MAGI2: variants seen among roughly 807,000 people sequenced by gnomAD.
MAGI2 encodes membrane associated guanylate kinase, WW and PDZ domain containing 2.
A neutral mutation model predicts 133.3 loss-of-function variants in MAGI2; 35 were observed. That is an observed-to-expected ratio of 0.26 (90% CI 0.20 to 0.35). The LOEUF (loss-of-function observed/expected upper bound fraction) is 0.35. Among genes scored for constraint, MAGI2 ranks in the 10% least tolerant of loss-of-function variants. The probability of loss-of-function intolerance (pLI) is 1.00; values close to 1 mark genes in which losing one functional copy is unlikely to be tolerated. For synonymous variants in MAGI2, 729 were observed against 710.6 expected, an observed-to-expected ratio of 1.03 and a Z score of -0.41; for missense variants, 1,636 against 1,863.4, an observed-to-expected ratio of 0.88 and a Z score of 2.25.
chr7:78,069,038 G>A (rs1456532217), intron 21 of MAGI2, among the ~76,000 whole-genome samples: 1 of 152,182 alleles, frequency 6.6e-6, no homozygotes, highest in African/African-American at 2.4e-5. Context: ...CAGACTCTCC[G>A]TAATGAGGAG....
At chr7:78,786,922 T>C (rs1826866956) in intron 2 of MAGI2, among the ~76,000 whole-genome samples, 1 of 152,070 alleles carries the variant, frequency 6.6e-6, no homozygotes, top group Non-Finnish European at 1.5e-5. Context: ...CCAATAAGTA[T>C]TGGTTGAAAT....
At chr7:78,154,568 C>A (rs1824199521) in intron 16 of MAGI2, among the ~76,000 whole-genome samples, 1 of 152,194 alleles carries the variant, frequency 6.6e-6, no homozygotes, top group East Asian at 1.9e-4. Flanking sequence ...TGCTTGTTAT[C>A]CTATATCTAA....
intron 3 of MAGI2, among the ~76,000 whole-genome samples, chr7:78,526,956 C>T (rs6971114): frequency 0.041 from 5,280 of 128,970 alleles, 170 homozygotes; most frequent in African/African-American, 0.082. Context: ...TGCGGTCAGC[C>T]GAGATCACGC....
At chr7:79,449,877 C>CATACATATATATATATATATATATAT (rs1554488321) in intron 1 of MAGI2, among the ~76,000 whole-genome samples, 13 of 120,620 alleles carry the variant, frequency 1.1e-4, no homozygotes, top group African/African-American at 3.9e-4. Context: ...GAGATATATA[C>CATACATATATATATATATATATATAT]ATATATATAT....
At chr7:79,072,154 T>C (rs1416231419) in intron 1 of MAGI2, among the ~76,000 whole-genome samples, 3 of 152,028 alleles carry the variant, frequency 2.0e-5, no homozygotes, top group African/African-American at 7.3e-5. Context: ...GAAATGAACC[T>C]GGTACCTCAG....
chr7:78,795,178 AATG>A (rs1303613118), intron 2 of MAGI2, among the ~76,000 whole-genome samples: 12 of 151,952 alleles, frequency 7.9e-5, no homozygotes, highest in African/African-American at 2.9e-4. Context: ...AGATTATTAT[AATG>A]ATCTTATATA....
chr7:78,764,912 C>G (rs1585337819), intron 2 of MAGI2, among the ~76,000 whole-genome samples: 1 of 54,004 alleles, frequency 1.9e-5, no homozygotes, highest in Admixed American at 1.8e-4. Flanking sequence ...CAACTTATTA[C>G]CAGCTTAGTT....
chr7:79,168,885 GATAGATAT>G lies in MAGI2; in HGVS notation c.302-161687_302-161680del, dbSNP rs1372791241. Among the ~76,000 whole-genome samples, 181 of 138,812 alleles carry G rather than the reference GATAGATAT, an allele frequency of 1.3e-3. 2 individuals are homozygous for G. Among genetic ancestry groups the G allele is most frequent in the African/African-American group, 5.0e-3 (172 of 34,428 alleles). The allele number at this position is 138,812 out of a possible 152,430, so 91.1% of individuals were successfully genotyped here. A position where few individuals can be genotyped will look rare whatever the true frequency, so the allele number is the denominator to read the frequency against. On this transcript the variant is annotated intron_variant, in intron 1 of 21. Coordinates refer to ENST00000354212, the MANE Select transcript of MAGI2 (RefSeq NM_012301.4). ...TGTCTGCCAGGTTTTTCTTTCTAAA[GATAGATAT>G]ATATATATATATATATATATATATA...
At chr7:78,149,886 G>A (rs571633715) in intron 16 of MAGI2, among the ~76,000 whole-genome samples, 3 of 152,222 alleles carry the variant, frequency 2.0e-5, no homozygotes, top group East Asian at 1.9e-4. Context: ...ATCTTGGAGA[G>A]GTCAGATTGA....
At chr7:78,088,696 T>C (rs1435415786) in intron 20 of MAGI2, among the ~76,000 whole-genome samples, 4 of 152,084 alleles carry the variant, frequency 2.6e-5, no homozygotes, top group Non-Finnish European at 5.9e-5. Context: ...GAAGGAATGC[T>C]GCCAGGCCCA....
rs549907387 is a variant in MAGI2, at chr7:79,387,633, C to T, written c.301+65387G>A. 2.0e-3 allele frequency among the ~76,000 whole-genome samples: 300 copies of T among 152,038 alleles called. 1 individual carries two copies. The highest frequency in any genetic ancestry group is 6.7e-3 in the African/African-American group (278 of 41,506). ...ATTCTCTTTTGTCATAATCATATGACGTGCTAAATTTAACTGTTGGCTTTC... is the reference window on the plus strand; with the variant it reads ...ATTCTCTTTTGTCATAATCATATGATGTGCTAAATTTAACTGTTGGCTTTC... On this transcript the variant is annotated intron_variant, in intron 1 of 21. Transcript: ENST00000354212.
intron 4 of MAGI2, among the ~76,000 whole-genome samples, chr7:78,506,061 C>T (rs1212157670): frequency 6.6e-6 from 1 of 152,124 alleles, no homozygotes; most frequent in Admixed American, 6.5e-5. Flanking sequence ...ATTAGATTTT[C>T]ATTTCCCACA....
intron 6 of MAGI2, among the ~76,000 whole-genome samples, chr7:78,381,349 T>TAAAAG (rs111830035): frequency 0.33 from 49,189 of 150,684 alleles, 8,428 homozygotes; most frequent in Middle Eastern, 0.44. Flanking sequence ...CTGTCTCAAT[T>TAAAAG]AAAAGAAAAG....
intron 1 of MAGI2, among the ~76,000 whole-genome samples, chr7:79,346,502 G>A (rs1178424987): frequency 6.6e-6 from 1 of 151,780 alleles, no homozygotes; most frequent in Admixed American, 6.6e-5. Flanking sequence ...TCCTTTTCTA[G>A]GCACTATTTT....
chr7:78,287,117 A>G (rs191062104), intron 9 of MAGI2, among the ~76,000 whole-genome samples: 1 of 152,290 alleles, frequency 6.6e-6, no homozygotes, highest in African/African-American at 2.4e-5. Flanking sequence ...TTTTTAAAAG[A>G]TAATTCTGGA....
At chr7:79,109,264 G>A (rs538682695) in intron 1 of MAGI2, among the ~76,000 whole-genome samples, 1 of 152,322 alleles carries the variant, frequency 6.6e-6, no homozygotes, top group African/African-American at 2.4e-5. Context: ...AAACTTTTTA[G>A]AGACTAGTTA....
At chr7:79,125,018 C>A in intron 1 of MAGI2, 1 of 238,946 alleles carries the variant, frequency 4.2e-6, no homozygotes, top group South Asian at 5.4e-5. Flanking sequence ...AGAAGATTCT[C>A]AAAACCAGGT....
At chr7:78,566,676 C>T (rs1045020251) in intron 3 of MAGI2, among the ~76,000 whole-genome samples, 10 of 152,114 alleles carry the variant, frequency 6.6e-5, no homozygotes, top group Non-Finnish European at 1.3e-4. Context: ...ACCATGAATA[C>T]TTTCATTGTC....
chr7:79,383,379 A>C (rs1843936081), intron 1 of MAGI2, among the ~76,000 whole-genome samples: 1 of 151,636 alleles, frequency 6.6e-6, no homozygotes, highest in African/African-American at 2.4e-5. Flanking sequence ...AACATTCACA[A>C]GGAAAGTTTA....
Sources: allele counts gnomAD v4.1 joint callset (sites outside exome capture counted in the v4.1 genomes callset), GRCh38; gene constraint gnomAD v4.1.1; transcripts MANE v1.5; gene names NCBI Gene and HGNC (gene_info 2026-07-23, HGNC 2026-07-21).